The following GPC5 variants were observed in gnomAD, a reference collection of about 807,000 sequenced individuals.
The protein encoded by GPC5 is glypican-5.
A neutral mutation model predicts 53.9 loss-of-function variants in GPC5; 47 were observed. The ratio of observed to expected loss-of-function variants is 0.87; its 90% CI spans 0.69 to 1.11. The LOEUF is 1.11. Ranked by LOEUF, GPC5 falls within the 50% of genes most tolerant of loss-of-function variation. GPC5 has a pLI of 0.00. For missense variants in GPC5, 748 were observed against 713.1 expected (o/e 1.05, Z -0.56); for synonymous variants, 286 against 263.3 (o/e 1.09, Z -0.84).
chr13:91,605,250 G>C (rs188311567), intron 2 of GPC5, among the ~76,000 whole-genome samples: 3,350 of 144,894 alleles, frequency 0.023, 49 homozygotes, highest in Middle Eastern at 0.046. Flanking sequence ...GTTTGTCAAA[G>C]ATCAGATAGT....
At chr13:91,891,042 AG>A (rs2039380019) in intron 5 of GPC5, among the ~76,000 whole-genome samples, 1 of 152,172 alleles carries the variant, frequency 6.6e-6, no homozygotes, top group African/African-American at 2.4e-5. Flanking sequence ...TTCAACTTAC[AG>A]GGTATCAAGA....
chr13:91,548,567 A>G (rs2138804763), intron 2 of GPC5, among the ~76,000 whole-genome samples: 1 of 152,332 alleles, frequency 6.6e-6, no homozygotes, highest in South Asian at 2.1e-4. Flanking sequence ...CAATCTCAGT[A>G]AAAATCTTAT....
chr13:91,603,266 G>A (rs748130042), intron 2 of GPC5, among the ~76,000 whole-genome samples: 18 of 152,224 alleles, frequency 1.2e-4, no homozygotes, highest in African/African-American at 3.1e-4. Flanking sequence ...AGCTCTCTCC[G>A]TAAATGATGT....
In GPC5 at chr13:91,756,383, G is replaced by T. The variant is rs771156014; in HGVS notation, c.1243G>T (p.Gly415Ter). 3.8e-6 allele frequency: 6 copies of T among 1,592,904 alleles called. No homozygotes were observed. The highest frequency in any genetic ancestry group is 8.6e-7 in the Non-Finnish European group (1 of 1,164,684). The change falls in exon 5 of 8, where the codon GGA (glycine) becomes TGA (stop). Residue 415 changes from glycine (G) to a stop codon, truncating the protein, a stop_gained. Coordinates refer to ENST00000377067, the MANE Select transcript of GPC5 (RefSeq NM_004466.6). LOFTEE classifies it high-confidence loss of function. ...LCANELAAAD[G>*]LPCWNGEDIV... ...TGCTAATGAATTAGCTGCTGCAGAT[G>T]GACTTCCCTGCTGGAATGGAGAAGA...
At chr13:92,544,386 C>A (rs1406304469) in intron 7 of GPC5, among the ~76,000 whole-genome samples, 2 of 152,152 alleles carry the variant, frequency 1.3e-5, no homozygotes, top group Admixed American at 1.3e-4. Context: ...GGGGAATTGT[C>A]TCATAAAAAT....
In GPC5 at chr13:92,216,099, AG is replaced by A. The variant is rs142276502; in HGVS notation, c.1561+71111del. 7.2e-5 allele frequency among the ~76,000 whole-genome samples: 11 copies of A among 152,326 alleles called. No individual in the cohort carries two copies. The East Asian group carries it at 2.1e-3, about 29-fold the overall frequency. ...AAAGGACAGAAAAACATCATTCCTG[AG>A]ATACAGACGGGCAGTTCTTCCAGAC... On this transcript the variant is annotated intron_variant, in intron 7 of 7. Transcript: ENST00000377067.
At chr13:92,763,757 A>C (rs2138740539) in intron 7 of GPC5, among the ~76,000 whole-genome samples, 1 of 152,294 alleles carries the variant, frequency 6.6e-6, no homozygotes, top group African/African-American at 2.4e-5. Context: ...GGGGCCCAAA[A>C]AATGGGTTGT....
intron 7 of GPC5, among the ~76,000 whole-genome samples, chr13:92,248,803 G>T (rs1330167750): frequency 6.6e-6 from 1 of 151,996 alleles, no homozygotes; most frequent in Non-Finnish European, 1.5e-5. Flanking sequence ...TGTTGCTGTT[G>T]GCGTTTTTGT....
At chr13:92,618,107 T>G (rs1358088763) in intron 7 of GPC5, among the ~76,000 whole-genome samples, 1 of 152,186 alleles carries the variant, frequency 6.6e-6, no homozygotes, top group Non-Finnish European at 1.5e-5. Flanking sequence ...GAACAGTAGC[T>G]AGACTTTGCA....
intron 1 of GPC5, among the ~76,000 whole-genome samples, chr13:91,410,580 T>A (rs1042504485): frequency 1.6e-4 from 25 of 151,872 alleles, no homozygotes; most frequent in Non-Finnish European, 3.2e-4. Flanking sequence ...TCTCCTGACC[T>A]CGTGATCCGC....
At chr13:91,587,004 G>A (rs2032622488) in intron 2 of GPC5, among the ~76,000 whole-genome samples, 3 of 152,072 alleles carry the variant, frequency 2.0e-5, no homozygotes, top group Non-Finnish European at 4.4e-5. Context: ...ATTATGAGCT[G>A]AAATTATAGA....
chr13:92,694,613 G>A lies in GPC5; in HGVS notation c.1562-171669G>A, dbSNP rs144461759. Reference sequence around the variant, plus strand: ...CAATTTGCAATGAGAATATTTACCCGGTGCCTGTACCCACATTGCATCCTA... The same window carrying A: ...CAATTTGCAATGAGAATATTTACCCAGTGCCTGTACCCACATTGCATCCTA... On this transcript the variant is annotated intron_variant, in intron 7 of 7. Coordinates refer to ENST00000377067, the MANE Select transcript of GPC5 (RefSeq NM_004466.6). Among the ~76,000 whole-genome samples, 1,035 of 152,232 alleles carry A rather than the reference G, an allele frequency of 6.8e-3. 10 individuals are homozygous for A. Among genetic ancestry groups the A allele is most frequent in the African/African-American group, 0.023 (962 of 41,534 alleles).
chr13:92,416,057 A>T (rs1876276347), intron 7 of GPC5, among the ~76,000 whole-genome samples: 1 of 152,220 alleles, frequency 6.6e-6, no homozygotes, highest in South Asian at 2.1e-4. Context: ...TGAAGGAGGT[A>T]ATTTTAGCTT....
At chr13:92,692,598 T>C (rs907120846) in intron 7 of GPC5, among the ~76,000 whole-genome samples, 1 of 150,808 alleles carries the variant, frequency 6.6e-6, no homozygotes, top group African/African-American at 2.4e-5. Context: ...AGTTAGTGGG[T>C]GCAGTACACC....
intron 7 of GPC5, among the ~76,000 whole-genome samples, chr13:92,294,248 A>C (rs2043017993): frequency 6.6e-6 from 1 of 152,084 alleles, no homozygotes; most frequent in Non-Finnish European, 1.5e-5. Context: ...TATCTTGTGG[A>C]ATACTGTCAA....
intron 1 of GPC5, among the ~76,000 whole-genome samples, chr13:91,442,678 G>T (rs1392981856): frequency 6.6e-6 from 1 of 152,176 alleles, no homozygotes; most frequent in African/African-American, 2.4e-5. Context: ...CAATTTGGCA[G>T]CTGGATTCAG....
intron 2 of GPC5, among the ~76,000 whole-genome samples, chr13:91,497,911 A>T (rs970254272): frequency 6.6e-6 from 1 of 152,174 alleles, no homozygotes; most frequent in African/African-American, 2.4e-5. Flanking sequence ...TGGGGTATCC[A>T]TCACCTCAAG....
At chr13:92,700,418 T>C (rs1887694666) in intron 7 of GPC5, among the ~76,000 whole-genome samples, 1 of 152,064 alleles carries the variant, frequency 6.6e-6, no homozygotes, top group Non-Finnish European at 1.5e-5. Context: ...TGTCTTTTAA[T>C]TGGGGCAATT....
At chr13:92,792,434 A>G (rs1876498063) in intron 7 of GPC5, among the ~76,000 whole-genome samples, 1 of 152,186 alleles carries the variant, frequency 6.6e-6, no homozygotes. Flanking sequence ...AACAACTGGT[A>G]CCATGCCAAA....
Sources: allele counts gnomAD v4.1 joint callset (sites outside exome capture counted in the v4.1 genomes callset), GRCh38; gene constraint gnomAD v4.1.1; transcripts MANE v1.5; gene names NCBI Gene and HGNC (gene_info 2026-07-23, HGNC 2026-07-21).